ST7: variants seen among roughly 807,000 people sequenced by gnomAD.
The protein encoded by ST7 is suppressor of tumorigenicity 7 protein.
In ST7, 28 loss-of-function variants were observed where a neutral mutation model predicts 78.7. The observed-to-expected ratio is 0.36, with a 90% CI of 0.26 to 0.49. The LOEUF (loss-of-function observed/expected upper bound fraction) is 0.49. Ranked by LOEUF, ST7 falls within the 20% of genes least tolerant of loss-of-function variation. The probability of loss-of-function intolerance (pLI) is 0.99; values close to 1 mark genes in which losing one functional copy is unlikely to be tolerated. For synonymous variants in ST7, 247 were observed against 249.6 expected (o/e 0.99, Z 0.10); for missense variants, 418 against 696.0 (o/e 0.60, Z 4.49).
intron 1 of ST7, among the ~76,000 whole-genome samples, chr7:117,019,228 A>G (rs1795761506): frequency 6.6e-6 from 1 of 152,186 alleles, no homozygotes; most frequent in Non-Finnish European, 1.5e-5. Context: ...ATATATGTAT[A>G]TATATTTACT....
intron 1 of ST7, among the ~76,000 whole-genome samples, chr7:116,965,629 ATTGC>A (rs967555890): frequency 3.3e-5 from 5 of 152,194 alleles, no homozygotes; most frequent in Non-Finnish European, 7.3e-5. Context: ...CTGTTTTTTA[ATTGC>A]TTATCTATAG....
intron 1 of ST7, among the ~76,000 whole-genome samples, chr7:117,089,882 TA>T (rs367956920): frequency 6.6e-6 from 1 of 152,118 alleles, no homozygotes; most frequent in Non-Finnish European, 1.5e-5. Flanking sequence ...AACAGTTTTT[TA>T]AAAAACTTTC....
intron 2 of ST7, among the ~76,000 whole-genome samples, chr7:117,107,901 C>A (rs1300978580): frequency 6.6e-6 from 1 of 152,018 alleles, no homozygotes; most frequent in Non-Finnish European, 1.5e-5. Context: ...AGACGTCAGC[C>A]ACTGCACCCG....
intron 1 of ST7, among the ~76,000 whole-genome samples, chr7:117,014,650 C>T (rs2115953829): frequency 6.6e-6 from 1 of 152,286 alleles, no homozygotes; most frequent in South Asian, 2.1e-4. Flanking sequence ...GTATGGATAT[C>T]TTGTGTCCTT....
chr7:117,014,386 T>G (rs548370366), intron 1 of ST7, among the ~76,000 whole-genome samples: 25 of 152,342 alleles, frequency 1.6e-4, no homozygotes, highest in Non-Finnish European at 3.1e-4. Context: ...ATATGTCCTT[T>G]CCAGCTGATG....
rs868471773 is a variant in ST7, at chr7:116,995,333, A to G, written c.151+41642A>G. Reference sequence around the variant, plus strand: ...CCCGTCCTAGGGTTGTTTTATGGTAATGTACATATATACATATCTAAGTTT... The same window carrying G: ...CCCGTCCTAGGGTTGTTTTATGGTAGTGTACATATATACATATCTAAGTTT... On this transcript the variant is annotated intron_variant, in intron 1 of 15. Coordinates refer to ENST00000323984, the MANE Select transcript of ST7 (RefSeq NM_001369598.1). Among the ~76,000 whole-genome samples, 2 of 152,332 alleles carry G rather than the reference A, an allele frequency of 1.3e-5. 1 individual carries two copies. Among genetic ancestry groups the G allele is most frequent in the South Asian group, 4.1e-4 (2 of 4,832 alleles).
rs142365331 is a variant in ST7, at chr7:117,138,272, A to T, written c.866-163A>T. 3.5e-4 allele frequency among the ~76,000 whole-genome samples: 53 copies of T among 152,226 alleles called. 1 individual carries two copies. In the East Asian group the frequency reaches 9.1e-3, roughly 26 times the overall value. ...AAGCATGGATTAGGTAATTAGTCAG[A>T]TGATTTGACCTTTGGGAGTCTAAGT... On this transcript the variant is annotated intron_variant, in intron 8 of 15. Transcript: ENST00000323984.
At position 117,189,308 on chromosome 7, in the gene ST7, T is replaced by G; in HGVS notation, c.1079-13T>G. Reference sequence around the variant, plus strand: ...GCAAACTTATGTGTTCCTACTTTCTTTTTCTCCAACAGATATAAGCTTACC... The same window carrying G: ...GCAAACTTATGTGTTCCTACTTTCTGTTTCTCCAACAGATATAAGCTTACC... On this transcript the variant is annotated splice_polypyrimidine_tract_variant and intron_variant, in intron 10 of 15. Coordinates refer to ENST00000323984, the MANE Select transcript of ST7 (RefSeq NM_001369598.1). 1.3e-6 allele frequency: 2 copies of G among 1,596,468 alleles called. No homozygotes were observed. The highest frequency in any genetic ancestry group is 1.7e-6 in the Non-Finnish European group (2 of 1,169,140).
chr7:117,128,506 A>G (rs1804059558), intron 3 of ST7, among the ~76,000 whole-genome samples: 1 of 151,924 alleles, frequency 6.6e-6, no homozygotes, highest in Non-Finnish European at 1.5e-5. Context: ...GTGACAAAAA[A>G]TTTAGGGCCA....
At chr7:117,197,546 C>G (rs975248213) in intron 12 of ST7, among the ~76,000 whole-genome samples, 1 of 152,156 alleles carries the variant, frequency 6.6e-6, no homozygotes, top group Non-Finnish European at 1.5e-5. Context: ...GCAGACAACT[C>G]CTTCTTCACT....
In ST7 at chr7:117,138,520, A is replaced by G; in HGVS notation, c.951A>G (p.Lys317=). 6.2e-7 allele frequency: 1 copy of G among 1,603,192 alleles called. No individual in the cohort carries two copies. The highest frequency in any genetic ancestry group is 8.5e-7 in the Non-Finnish European group (1 of 1,173,964). The part of the protein sequence containing the change: ...RRLGRTREAV[K]MMRDLMKEFP... Reference sequence around the variant, plus strand: ...TCGGGAGGACCAGGGAAGCAGTGAAAATGATGAGAGATGTGAGTTTGAGTT... The same window carrying G: ...TCGGGAGGACCAGGGAAGCAGTGAAGATGATGAGAGATGTGAGTTTGAGTT... The change falls in exon 9 of 16, where the codon AAA becomes AAG. Residue 317 remains lysine, a synonymous_variant. Transcript: ENST00000323984.
chr7:117,135,961 G>T, intron 7 of ST7, 120 bp from the exon 8 acceptor site: 1 of 1,000,896 alleles, frequency 1.0e-6, no homozygotes, highest in Non-Finnish European at 1.5e-6. Context: ...AGGAGTGCAT[G>T]AACCAGTTGG....
chr7:117,198,415 G>A, intron 12 of ST7: 1 of 414,332 alleles, frequency 2.4e-6, no homozygotes, highest in South Asian at 1.8e-5. Flanking sequence ...GTATAACAGT[G>A]GCACCTCAAT....
At chr7:117,145,938 A>G (rs1054821606) in intron 9 of ST7, among the ~76,000 whole-genome samples, 2 of 152,118 alleles carry the variant, frequency 1.3e-5, no homozygotes, top group Admixed American at 1.3e-4. Context: ...GTGTTCTTAC[A>G]TTTGGCTCCT....
At chr7:117,034,175 G>A (rs1428569220) in intron 1 of ST7, among the ~76,000 whole-genome samples, 4 of 152,088 alleles carry the variant, frequency 2.6e-5, no homozygotes, top group Non-Finnish European at 5.9e-5. Flanking sequence ...CTGGGCTCAA[G>A]CAATCCTCCT....
intron 1 of ST7, among the ~76,000 whole-genome samples, chr7:117,034,251 T>C (rs1348724639): frequency 6.6e-6 from 1 of 152,232 alleles, no homozygotes; most frequent in Non-Finnish European, 1.5e-5. Flanking sequence ...CTGTGAGTTT[T>C]AAATGCCTTA....
intron 9 of ST7, among the ~76,000 whole-genome samples, chr7:117,160,374 T>A (rs556764593): frequency 6.8e-4 from 103 of 152,186 alleles, no homozygotes; most frequent in African/African-American, 2.4e-3. Context: ...GATCTCTACA[T>A]GTAGTGGGAG....
At chr7:117,020,550 C>CTT (rs961229970) in intron 1 of ST7, 3 of 1,431,926 alleles carry the variant, frequency 2.1e-6, no homozygotes, top group Non-Finnish European at 1.9e-6. Context: ...GCTTTTCTTT[C>CTT]TTTTTTTTTT....
At chr7:117,027,510 A>AGAAAAGAAAAGAAAAGT in intron 1 of ST7, among the ~76,000 whole-genome samples, 1 of 45,710 alleles carries the variant, frequency 2.2e-5, no homozygotes, top group Admixed American at 1.9e-4. Context: ...AGTAAAGTAA[A>AGAAAAGAAAAGAAAAGT]AAGTAAAGAG....
Sources: gnomAD v4.1 joint callset for allele counts (sites outside exome capture counted in the v4.1 genomes callset) on GRCh38, gnomAD v4.1.1 for gene constraint, MANE v1.5 for transcripts, NCBI Gene and HGNC (gene_info 2026-07-23, HGNC 2026-07-21) for gene names.